MROH7: variants seen among roughly 807,000 people sequenced by gnomAD.
MROH7 encodes the protein maestro heat like repeat family member 7, also known as maestro heat-like repeat-containing protein family member 7.
A neutral mutation model predicts 129.2 loss-of-function variants in MROH7; 113 were observed. The observed-to-expected ratio is 0.87, with a 90% confidence interval of 0.75 to 1.02. MROH7 has a LOEUF of 1.02. Ranked by LOEUF, MROH7 falls within the 50% of genes least tolerant of loss-of-function variation. The probability of loss-of-function intolerance (pLI) is 0.00; values close to 1 mark genes in which losing one functional copy is unlikely to be tolerated. For missense variants in MROH7, 1,601 were observed against 1,671.3 expected (o/e 0.96, Z 0.73); for synonymous variants, 655 against 667.9 (o/e 0.98, Z 0.30).
Position 54,670,003 on chromosome 1 carries a change from CAAAA to C in MROH7, c.1390-477_1390-474del, listed in dbSNP as rs34295281. 3.8e-3 allele frequency among the ~76,000 whole-genome samples: 395 copies of C among 105,248 alleles called. 2 individuals are homozygous for C. Among genetic ancestry groups the C allele is most frequent in the African/African-American group, 0.013 (374 of 29,512 alleles). 69.0% of individuals were successfully genotyped at this position (105,248 alleles called of 152,430 possible). ...TGGGTAACAGAGCAAGACTTCATGTCAAAAAAAAAAAAAAAAAAAATAGTTCAAG... is the reference window on the plus strand; with the variant it reads ...TGGGTAACAGAGCAAGACTTCATGTCAAAAAAAAAAAAAAAATAGTTCAAG... On this transcript the variant is annotated intron_variant, in intron 5 of 23. Coordinates refer to ENST00000421030, the MANE Select transcript of MROH7 (RefSeq NM_001039464.4).
At chr1:54,656,886 A>G (rs1326343961) in intron 3 of MROH7, among the ~76,000 whole-genome samples, 1 of 152,030 alleles carries the variant, frequency 6.6e-6, no homozygotes, top group East Asian at 1.9e-4. Context: ...TAAAATATAC[A>G]TAACAAAATT....
intron 9 of MROH7, 36 bp from the exon 10 acceptor site, chr1:54,673,980 T>G (rs780326488): frequency 6.7e-5 from 108 of 1,610,490 alleles, no homozygotes; most frequent in South Asian, 2.6e-4. Context: ...TTATTGAACC[T>G]ATAACACTCA....
intron 17 of MROH7, chr1:54,699,225 C>T (rs796886851): frequency 1.1e-5 from 1 of 91,692 alleles, no homozygotes; most frequent in Non-Finnish European, 2.5e-5. Flanking sequence ...CTTTCTTTCT[C>T]CTTTCTTCCT....
At position 54,653,606 on chromosome 1, in the gene MROH7, A is replaced by C. The variant is rs759361319; in HGVS notation, c.680A>C (p.Lys227Thr). 2.5e-4 allele frequency: 405 copies of C among 1,614,022 alleles called. No homozygotes were observed. The highest frequency in any genetic ancestry group is 3.3e-4 in the Non-Finnish European group (392 of 1,180,022). ...AACATGGGCTCAAGAAACACCTCCA[A>C]GCTGAACCTGAATGTAGCTCCAGAT... is the stretch of plus-strand genomic sequence containing the variant. ...LLNMGSRNTSKLNLNVAPDSH... is the reference protein window; with the variant it reads ...LLNMGSRNTSTLNLNVAPDSH... The change falls in exon 3 of 24, where the codon AAG becomes ACG. Residue 227 changes from lysine to threonine, a missense_variant. By Grantham distance (78) the Lys-to-Thr change is moderately conservative. Coordinates refer to ENST00000421030, the MANE Select transcript of MROH7 (RefSeq NM_001039464.4).
rs112540424 is a variant in MROH7, at chr1:54,645,358, C to T, written c.-110+3390C>T. Among the ~76,000 whole-genome samples, 276 of 152,230 alleles carry T rather than the reference C, an allele frequency of 1.8e-3. 2 individuals are homozygous for T. The highest frequency in any genetic ancestry group is 6.4e-3 in the African/African-American group (264 of 41,534). ...GTAGTGGTGCAATCTTGGCTCACTG[C>T]AACCTCCACCTCCCAGGTTCAAGTG... On this transcript the variant is annotated intron_variant, in intron 1 of 23. Transcript: ENST00000421030.
At position 54,654,014 on chromosome 1, in the gene MROH7, A is replaced by G. The variant is rs959513335; in HGVS notation, c.1088A>G (p.Asn363Ser). ...LSSQQDDAKDNSIHTVPLEEN... is the reference protein window; with the variant it reads ...LSSQQDDAKDSSIHTVPLEEN... ...AGTCAGCAGGATGATGCCAAGGACA[A>G]CAGCATCCACACTGTGCCCCTGGAG... Residue 363 changes from asparagine to serine, a missense_variant, in exon 3 of 24, where the codon AAC (asparagine) becomes AGC (serine). Coordinates refer to ENST00000421030, the MANE Select transcript of MROH7 (RefSeq NM_001039464.4). The G allele has an allele frequency of 3.1e-6, 5 of 1,614,220 alleles. No individual in the cohort carries two copies. Among genetic ancestry groups the G allele is most frequent in the Non-Finnish European group, 3.4e-6 (4 of 1,180,038 alleles).
At chr1:54,673,936 C>A in intron 9 of MROH7, 80 bp from the exon 10 acceptor site, 1 of 1,564,906 alleles carries the variant, frequency 6.4e-7, no homozygotes, top group Admixed American at 1.7e-5. Flanking sequence ...CTGGGCCAGA[C>A]TATCCACCGG....
At chr1:54,699,706 C>T (rs927410004) in intron 17 of MROH7, 9 of 218,836 alleles carry the variant, frequency 4.1e-5, no homozygotes, top group African/African-American at 6.8e-5. Flanking sequence ...AGGAACAACT[C>T]GGGTTTTGTC....
intron 1 of MROH7, among the ~76,000 whole-genome samples, chr1:54,649,257 TTCTC>T (rs1644518081): frequency 6.6e-6 from 1 of 152,248 alleles, no homozygotes; most frequent in African/African-American, 2.4e-5. Context: ...TGGTTAATGA[TTCTC>T]TCTGTCTTAG....
At position 54,688,648 on chromosome 1, in the gene MROH7, G is replaced by A. The variant is rs1476567368; in HGVS notation, c.2711+2200G>A. On this transcript the variant is annotated intron_variant, in intron 15 of 23. Coordinates refer to ENST00000421030, the MANE Select transcript of MROH7 (RefSeq NM_001039464.4). ...TGGATAAATGATTCCTGTCCCATAGGTGTGCTGTGAGGACCAGATAGGGTC... is the reference window on the plus strand; with the variant it reads ...TGGATAAATGATTCCTGTCCCATAGATGTGCTGTGAGGACCAGATAGGGTC... Among the ~76,000 whole-genome samples the A allele has an allele frequency of 2.6e-5, 4 of 152,170 alleles. No homozygotes were observed. In the East Asian group the frequency reaches 7.7e-4, roughly 29 times the overall value.
chr1:54,682,699 A>C lies in MROH7; in HGVS notation c.2425A>C (p.Ser809Arg). 6.2e-7 allele frequency: 1 copy of C among 1,614,138 alleles called. No individual in the cohort carries two copies. Among genetic ancestry groups the C allele is most frequent in the Non-Finnish European group, 8.5e-7 (1 of 1,180,014 alleles). ...GAGGCAGCTGATACTGTGTAAGCCC[A>C]GCTGTGATGTCCGAGACCTCCTGGA... ...MWRQLILCKP[S>R]CDVRDLLDLL... Residue 809 changes from serine (S) to arginine (R), a missense_variant, in exon 14 of 24, where the codon AGC becomes CGC. Physicochemically the swap from Ser to Arg is moderately radical, Grantham distance 110. Transcript: ENST00000421030.
chr1:54,679,080 T>C (rs1429446654), intron 11 of MROH7, among the ~76,000 whole-genome samples, 183 bp from the exon 12 acceptor site: 1 of 152,212 alleles, frequency 6.6e-6, no homozygotes, highest in Non-Finnish European at 1.5e-5. Context: ...GACATGTTGC[T>C]CTTACTTTTG....
intron 15 of MROH7, among the ~76,000 whole-genome samples, chr1:54,690,722 C>T (rs138344773): frequency 1.4e-4 from 21 of 152,286 alleles, no homozygotes; most frequent in Non-Finnish European, 5.9e-5. Context: ...GGATTACAGG[C>T]GTGAGCCACA....
intron 3 of MROH7, among the ~76,000 whole-genome samples, chr1:54,663,222 A>G (rs1401101378): frequency 6.6e-6 from 1 of 151,968 alleles, no homozygotes; most frequent in Non-Finnish European, 1.5e-5. Context: ...TATAGTATGG[A>G]CTCAAGGTTT....
At position 54,652,786 on chromosome 1, in the gene MROH7, T is replaced by C. The variant is rs1644576955; in HGVS notation, c.-74-67T>C. 6.9e-6 allele frequency: 8 copies of C among 1,161,360 alleles called. No individual in the cohort carries two copies. The Admixed American group carries it at 1.7e-4, about 25-fold the overall frequency. The allele number at this position is 1,161,360 out of a possible 1,614,324, so 71.9% of individuals were successfully genotyped here. On this transcript the variant is annotated intron_variant, in intron 2 of 23. Transcript: ENST00000421030. Reference sequence around the variant, plus strand: ...CAGCAAGGGGCTTTCATCTTAAGAATAGTGGGAGCCCTGGAAAAGCCTTAA... The same window carrying C: ...CAGCAAGGGGCTTTCATCTTAAGAACAGTGGGAGCCCTGGAAAAGCCTTAA...
At chr1:54,689,979 G>C (rs543361529) in intron 15 of MROH7, among the ~76,000 whole-genome samples, 176 of 152,302 alleles carry the variant, frequency 1.2e-3, no homozygotes, top group African/African-American at 4.2e-3. Flanking sequence ...CTGGGTGACA[G>C]AGCTAGACCC....
chr1:54,679,359 T>C lies in MROH7; in HGVS notation c.2146T>C (p.Ser716Pro). 6.2e-7 allele frequency: 1 copy of C among 1,614,100 alleles called. No homozygotes were observed. Among genetic ancestry groups the C allele is most frequent in the Non-Finnish European group, 8.5e-7 (1 of 1,180,028 alleles). ...KGSSEAPGKD[S>P]REMMQLASEV... ...CAGCTCAGAGGCTCCAGGGAAGGAC[T>C]CCAGGGAGATGATGCAGCTGGCCTC... is the stretch of plus-strand genomic sequence containing the variant. The change falls in exon 12 of 24, where the codon TCC (serine) becomes CCC (proline). Residue 716 changes from serine to proline, a missense_variant. Transcript: ENST00000421030.
At chr1:54,691,042 A>G (rs1305901649) in intron 15 of MROH7, among the ~76,000 whole-genome samples, 2 of 152,334 alleles carry the variant, frequency 1.3e-5, no homozygotes, top group Middle Eastern at 3.4e-3. Context: ...TTCTTCTCCA[A>G]ACAAAAACCT....
chr1:54,675,190 G>T (rs764806856), intron 10 of MROH7, among the ~76,000 whole-genome samples: 1 of 152,072 alleles, frequency 6.6e-6, no homozygotes, highest in Non-Finnish European at 1.5e-5. Flanking sequence ...TGGCCAGGCT[G>T]GTCTCAAACT....
Sources: allele counts gnomAD v4.1 joint callset (sites outside exome capture counted in the v4.1 genomes callset), GRCh38; gene constraint gnomAD v4.1.1; transcripts MANE v1.5; gene names NCBI Gene and HGNC (gene_info 2026-07-23, HGNC 2026-07-21).